RBFOX1: variants seen among roughly 807,000 people sequenced by gnomAD.
RBFOX1 encodes the protein RNA binding protein fox-1 homolog 1.
RBFOX1 carries 8 observed loss-of-function variants against 57.7 expected under a neutral mutation model. That is an observed-to-expected ratio of 0.14 (90% CI 0.08 to 0.25). The LOEUF is 0.25. RBFOX1 is among the 10% of genes least tolerant of loss of function. The pLI is 1.00. For missense variants in RBFOX1, 611 were observed against 548.5 expected (o/e 1.11, Z -1.14); for synonymous variants, 326 against 222.4 (o/e 1.47, Z -4.15).
At chr16:7,574,126 C>G (rs2093072530) in intron 5 of RBFOX1, among the ~76,000 whole-genome samples, 1 of 152,172 alleles carries the variant, frequency 6.6e-6, no homozygotes, top group Non-Finnish European at 1.5e-5. Flanking sequence ...TGGGAACATA[C>G]AGGCAGCATG....
chr16:7,206,113 G>A (rs2089916308), intron 4 of RBFOX1, among the ~76,000 whole-genome samples: 1 of 152,160 alleles, frequency 6.6e-6, no homozygotes, highest in Non-Finnish European at 1.5e-5. Flanking sequence ...GTGCTTACCT[G>A]ATAGTCTAAT....
intron 3 of RBFOX1, among the ~76,000 whole-genome samples, chr16:6,689,766 G>T (rs1029935704): frequency 2.0e-5 from 3 of 152,200 alleles, no homozygotes; most frequent in African/African-American, 7.2e-5. Context: ...AGAGAGCCCA[G>T]CTGTTTTGTT....
rs767972090 is a variant in RBFOX1, at chr16:7,518,308, A to G, written c.189A>G (p.Leu63=). Residue 63 remains leucine, a synonymous_variant, in exon 5 of 16, where the codon TTA becomes TTG. Transcript: ENST00000550418. ...TGQTTVPEHT[L]NLYPPAQTHS... ...AGACCACGGTTCCCGAGCACACATT[A>G]AACCTGTACCCTCCCGCCCAGACGC... 4.3e-6 allele frequency: 7 copies of G among 1,614,116 alleles called. No homozygotes were observed. In the South Asian group the frequency reaches 7.7e-5, roughly 18 times the overall value.
intron 4 of RBFOX1, among the ~76,000 whole-genome samples, chr16:7,082,436 G>C (rs1279562908): frequency 2.0e-5 from 3 of 151,854 alleles, no homozygotes; most frequent in African/African-American, 7.3e-5. Flanking sequence ...TCAAAAATTA[G>C]CTGGATGTGG....
chr16:5,733,676 C>G (rs965616233), intron 3 of RBFOX1, among the ~76,000 whole-genome samples: 1 of 151,848 alleles, frequency 6.6e-6, no homozygotes, highest in African/African-American at 2.4e-5. Context: ...TTGTGTCCTT[C>G]CTCTTTCCCT....
intron 3 of RBFOX1, among the ~76,000 whole-genome samples, chr16:6,900,879 A>G (rs946253069): frequency 6.6e-6 from 1 of 152,214 alleles, no homozygotes; most frequent in Non-Finnish European, 1.5e-5. Flanking sequence ...AGGGAGCTAC[A>G]TATGTCTTGT....
chr16:5,280,385 C>A (rs1443045930), intron 1 of RBFOX1, among the ~76,000 whole-genome samples: 1 of 152,084 alleles, frequency 6.6e-6, no homozygotes, highest in African/African-American at 2.4e-5. Context: ...GGAATATTGG[C>A]CTGTAGTTTT....
intron 3 of RBFOX1, among the ~76,000 whole-genome samples, chr16:5,691,341 C>G (rs919412808): frequency 2.0e-5 from 3 of 152,178 alleles, no homozygotes; most frequent in African/African-American, 7.2e-5. Flanking sequence ...CTGATCTGTG[C>G]TGATGCAAGA....
At chr16:6,621,211 C>T (rs1372590074) in intron 2 of RBFOX1, among the ~76,000 whole-genome samples, 2 of 152,174 alleles carry the variant, frequency 1.3e-5, no homozygotes, top group South Asian at 2.1e-4. Flanking sequence ...CCTGTATTCC[C>T]AGCACATTGG....
chr16:5,856,148 T>C (rs765931960), intron 3 of RBFOX1, among the ~76,000 whole-genome samples: 6 of 122,620 alleles, frequency 4.9e-5, no homozygotes, highest in Non-Finnish European at 8.1e-5. Context: ...GGAGTCTTTA[T>C]GGTTCTCTCT....
intron 10 of RBFOX1, among the ~76,000 whole-genome samples, chr16:7,610,357 G>C (rs2057240356): frequency 6.6e-6 from 1 of 151,312 alleles, no homozygotes; most frequent in Non-Finnish European, 1.5e-5. Flanking sequence ...CTGACCTCAA[G>C]TGATGCGCCC....
At chr16:6,296,625 T>G (rs1315057749) in intron 1 of RBFOX1, among the ~76,000 whole-genome samples, 1 of 152,120 alleles carries the variant, frequency 6.6e-6, no homozygotes. Flanking sequence ...TTTCACCGTG[T>G]TAGCTGGGAT....
intron 1 of RBFOX1, among the ~76,000 whole-genome samples, chr16:5,378,423 C>T (rs2066045298): frequency 6.6e-6 from 1 of 151,542 alleles, no homozygotes; most frequent in South Asian, 2.1e-4. Flanking sequence ...GTTAGCCTCC[C>T]TTCGAACACT....
chr16:7,078,695 T>A, intron 4 of RBFOX1, among the ~76,000 whole-genome samples: 1 of 146,338 alleles, frequency 6.8e-6, no homozygotes, highest in African/African-American at 2.6e-5. Context: ...TATTTTATTT[T>A]TTTTTGAGAC....
intron 3 of RBFOX1, among the ~76,000 whole-genome samples, chr16:6,905,298 A>C (rs2153420789): frequency 6.6e-6 from 1 of 152,150 alleles, no homozygotes; most frequent in African/African-American, 2.4e-5. Flanking sequence ...TCATTCCTGT[A>C]ATCCTAGAAC....
In RBFOX1 at chr16:5,702,594, C is replaced by T. The variant is rs1330017841; in HGVS notation, c.318+103633C>T. 8.5e-5 allele frequency among the ~76,000 whole-genome samples: 13 copies of T among 152,230 alleles called. No individual in the cohort carries two copies. The East Asian group carries it at 2.5e-3, about 29-fold the overall frequency. On this transcript the variant is annotated intron_variant, in intron 3 of 19. Transcript: ENST00000641259. Reference sequence around the variant, plus strand: ...ACAAGGTTTGAGAGAGGATTTTATACTTCCCTGGTTGTTTTTGGACTTTGT... The same window carrying T: ...ACAAGGTTTGAGAGAGGATTTTATATTTCCCTGGTTGTTTTTGGACTTTGT...
chr16:7,034,902 G>C (rs1417193040), intron 3 of RBFOX1, among the ~76,000 whole-genome samples: 1 of 117,978 alleles, frequency 8.5e-6, no homozygotes, highest in Non-Finnish European at 1.6e-5. Flanking sequence ...AGGCTGGAGT[G>C]CAGTGGCGTG....
rs535071072 is a variant in RBFOX1 at position 6,073,060 on chromosome 16, C to G, written c.-127+53068C>G. 7.9e-5 allele frequency among the ~76,000 whole-genome samples: 12 copies of G among 152,280 alleles called. No homozygotes were observed. In the East Asian group the frequency reaches 2.3e-3, roughly 29 times the overall value. ...GACATATCTCAGACACATTTTGTGACTAGTTATGATGAGTCAGAATTTGCA... is the reference window on the plus strand; with the variant it reads ...GACATATCTCAGACACATTTTGTGAGTAGTTATGATGAGTCAGAATTTGCA... On this transcript the variant is annotated intron_variant, in intron 1 of 15. Transcript: ENST00000550418.
chr16:7,115,151 C>G (rs1309226082), intron 4 of RBFOX1, among the ~76,000 whole-genome samples: 1 of 152,030 alleles, frequency 6.6e-6, no homozygotes, highest in Non-Finnish European at 1.5e-5. Flanking sequence ...CTTGTTAGCA[C>G]TTAGTGGTGC....
Sources: allele counts gnomAD v4.1 joint callset (sites outside exome capture counted in the v4.1 genomes callset), GRCh38; gene constraint gnomAD v4.1.1; transcripts MANE v1.5; gene names NCBI Gene and HGNC (gene_info 2026-07-23, HGNC 2026-07-21).